Variants in NBPF11 observed in about 807,000 individuals in gnomAD.
NBPF11 encodes NBPF member 11, also known as NBPF family member NBPF11.
A neutral mutation model predicts 93.9 loss-of-function variants in NBPF11; 72 were observed. The ratio of observed to expected loss-of-function variants is 0.77; its 90% confidence interval spans 0.63 to 0.93. The LOEUF is 0.93. Among genes scored for constraint, NBPF11 ranks in the 40% least tolerant of loss-of-function variants. The pLI is 0.00. For missense variants in NBPF11, 705 were observed against 802.2 expected, an observed-to-expected ratio of 0.88 and a Z score of 1.46; for synonymous variants, 224 against 304.9, an observed-to-expected ratio of 0.73 and a Z score of 2.76.
chr1:148,124,187 CAT>C, intron 6 of NBPF11, 120 bp from the exon 7 acceptor site: 2 of 748,408 alleles, frequency 2.7e-6, no homozygotes, highest in South Asian at 3.3e-5. Context: ...AAGGTCAGCA[CAT>C]GTTGAAAGGA....
rs1667593632 is a variant in NBPF11, at chr1:148,120,590, G to T, written c.899C>A (p.Ala300Glu). ...GCTTCTGAACTGCTGTTTCTTCTCT[G>T]CCAGCTGGGGGCACAATTTCTCATT... The part of the protein sequence containing the change: ...EINEKLCPQL[A>E]EKKQQFRSLK... Residue 300 changes from alanine to glutamate, a missense_variant, in exon 10 of 24, where the codon GCA becomes GAA. This residue lies in a region of NBPF11 where 262 missense variants were observed against 223.1 expected (regional missense o/e 1.17). Transcript: ENST00000682118. 3 of 1,473,774 alleles carry T rather than the reference G, an allele frequency of 2.0e-6. No homozygotes were observed. The highest frequency in any genetic ancestry group is 2.8e-6 in the Non-Finnish European group (3 of 1,053,492). The allele number at this position is 1,473,774 out of a possible 1,614,324, so 91.3% of individuals were successfully genotyped here.
chr1:148,126,006 T>C lies in NBPF11; in HGVS notation c.175+823A>G, dbSNP rs1669024081. 3.3e-5 allele frequency among the ~76,000 whole-genome samples: 5 copies of C among 151,912 alleles called. No individual in the cohort carries two copies. The South Asian group carries it at 1.0e-3, about 31-fold the overall frequency. ...TTTATTTTTGATTTATTTATCTTTTTGTTTGTTTGTTTTTTGACGAGTCTT... is the reference window on the plus strand; with the variant it reads ...TTTATTTTTGATTTATTTATCTTTTCGTTTGTTTGTTTTTTGACGAGTCTT... On this transcript the variant is annotated intron_variant, in intron 5 of 23. Transcript: ENST00000682118.
chr1:148,112,292 A>C, intron 15 of NBPF11, among the ~76,000 whole-genome samples: 1 of 121,236 alleles, frequency 8.2e-6, no homozygotes, highest in East Asian at 2.9e-4. Flanking sequence ...TCCTAATGCT[A>C]CCCCTCCTCC....
chr1:148,122,694 C>A (rs79439957), intron 8 of NBPF11, 35 bp downstream of exon 8: 166 of 1,605,810 alleles, frequency 1.0e-4, no homozygotes, highest in Non-Finnish European at 1.3e-4. Flanking sequence ...TCATATGTTA[C>A]CACCCATTAC....
At chr1:148,122,677 G>A in intron 8 of NBPF11, 52 bp downstream of exon 8, 1 of 1,602,532 alleles carries the variant, frequency 6.2e-7, no homozygotes, top group Non-Finnish European at 8.5e-7. Flanking sequence ...GTGCCTCCTA[G>A]ACATTTTCAT....
At chr1:148,145,308 T>C (rs1571496794) in intron 1 of NBPF11, among the ~76,000 whole-genome samples, 1 of 141,022 alleles carries the variant, frequency 7.1e-6, no homozygotes, top group Non-Finnish European at 1.5e-5. Context: ...GCCTCCTGGG[T>C]TCAAGCAATT....
At chr1:148,108,016 TG>T (rs1350081341) in intron 18 of NBPF11, among the ~76,000 whole-genome samples, 2 of 150,850 alleles carry the variant, frequency 1.3e-5, no homozygotes, top group African/African-American at 4.9e-5. Context: ...TTTGTGCAAA[TG>T]GTTATGCCAT....
At chr1:148,141,988 TGGAGGGAGGGAGGGAA>T (rs1672242838) in intron 2 of NBPF11, among the ~76,000 whole-genome samples, 2 of 105,586 alleles carry the variant, frequency 1.9e-5, no homozygotes, top group East Asian at 3.3e-4. Flanking sequence ...AAGGAAAGAA[TGGAGGGAGGGAGGGAA>T]GGAGGGAGGG....
rs1182601638 is a variant in NBPF11 at position 148,122,120 on chromosome 1, G to C, written c.713C>G (p.Ser238Ter). The C allele has an allele frequency of 4.3e-6, 7 of 1,613,336 alleles. No individual in the cohort carries two copies. Among genetic ancestry groups the C allele is most frequent in the Admixed American group, 1.7e-5 (1 of 59,998 alleles). Residue 238 changes from serine to a stop codon, truncating the protein, a stop_gained, in exon 9 of 24, where the codon TCA (serine) becomes TGA (stop). Coordinates refer to ENST00000682118, the MANE Select transcript of NBPF11 (RefSeq NM_001385469.3). LOFTEE classifies it high-confidence loss of function. ...GGATTCTCTGTCTACAACCAGAGAT[G>C]AGTTGACTTTGTCTTCCTCAAATGT... is the stretch of plus-strand genomic sequence containing the variant. ...KITFEEDKVN[S>*]SLVVDRESSH...
intron 15 of NBPF11, among the ~76,000 whole-genome samples, chr1:148,111,517 A>C (rs1665259869): frequency 6.6e-6 from 1 of 151,816 alleles, no homozygotes; most frequent in South Asian, 2.1e-4. Flanking sequence ...AAAAGATTAG[A>C]CGAATGGCTA....
intron 1 of NBPF11, chr1:148,149,558 C>T (rs1298088048): frequency 3.9e-5 from 62 of 1,594,014 alleles, no homozygotes; most frequent in African/African-American, 2.7e-5. Flanking sequence ...GCCCAGCCAG[C>T]GCGCCTAGCG....
chr1:148,149,528 C>G (rs1571503413), intron 1 of NBPF11: 4 of 1,593,806 alleles, frequency 2.5e-6, no homozygotes, highest in African/African-American at 2.7e-5. Flanking sequence ...GCGCCTGCGT[C>G]GCTTCATCTC....
Position 148,102,264 on chromosome 1 carries a change from G to A in NBPF11, c.*1632C>T, listed in dbSNP as rs1283182356. 1 of 151,734 alleles carries A rather than the reference G, an allele frequency of 6.6e-6. No individual in the cohort carries two copies. The highest frequency in any genetic ancestry group is 2.4e-5 in the African/African-American group (1 of 41,042). The allele number at this position is 151,734 out of a possible 1,614,324, so 9.4% of individuals were successfully genotyped here. ...AACAGCAGACACTAGTAAAAACAAAGGCACAGTAAAAATTGAGACCCAAAA... is the reference window on the plus strand; with the variant it reads ...AACAGCAGACACTAGTAAAAACAAAAGCACAGTAAAAATTGAGACCCAAAA... On this transcript the variant is annotated 3_prime_UTR_variant, in exon 24 of 24. Coordinates refer to ENST00000682118, the MANE Select transcript of NBPF11 (RefSeq NM_001385469.3).
rs1419189872 is a variant in NBPF11, at chr1:148,108,535, C to T, written c.1973G>A (p.Ser658Asn). The change falls in exon 18 of 24, where the codon AGT (serine) becomes AAT (asparagine). Residue 658 changes from serine to asparagine, a missense_variant. This residue lies in a region of NBPF11 where 97 missense variants were observed against 65.0 expected (regional missense o/e 1.49). Coordinates refer to ENST00000682118, the MANE Select transcript of NBPF11 (RefSeq NM_001385469.3). ...CTGTTGCTCCAATACGTAAAAGGCACTTCTGTAGGGCTGGCATGAGTCAGT... is the reference window on the plus strand; with the variant it reads ...CTGTTGCTCCAATACGTAAAAGGCATTTCTGTAGGGCTGGCATGAGTCAGT... ...GLTDSCQPYR[S>N]AFYVLEQQRI... 22 of 1,602,524 alleles carry T rather than the reference C, an allele frequency of 1.4e-5. No individual in the cohort carries two copies. The highest frequency in any genetic ancestry group is 1.7e-5 in the Non-Finnish European group (20 of 1,172,244).
chr1:148,136,804 G>A (rs1671364171), intron 3 of NBPF11, among the ~76,000 whole-genome samples: 1 of 152,000 alleles, frequency 6.6e-6, no homozygotes, highest in South Asian at 2.1e-4. Context: ...GTCGACAGAG[G>A]TAAGGGAATT....
chr1:148,136,620 T>C (rs1210122761), intron 3 of NBPF11, among the ~76,000 whole-genome samples: 1 of 152,006 alleles, frequency 6.6e-6, no homozygotes, highest in African/African-American at 2.4e-5. Context: ...GGATCCTTAC[T>C]AAGAAACTCC....
chr1:148,133,311 T>G (rs1260801797), intron 4 of NBPF11, among the ~76,000 whole-genome samples: 1 of 152,000 alleles, frequency 6.6e-6, no homozygotes, highest in Non-Finnish European at 1.5e-5. Context: ...ACTTTATTAA[T>G]TTTTCTTACT....
chr1:148,124,216 G>T, intron 6 of NBPF11, 149 bp from the exon 7 acceptor site: 1 of 646,158 alleles, frequency 1.5e-6, no homozygotes, highest in Non-Finnish European at 2.8e-6. Flanking sequence ...GTGGCCAAGA[G>T]AAAGAACAGA....
At chr1:148,151,084 A>C (rs1269555282) in intron 1 of NBPF11, among the ~76,000 whole-genome samples, 6 of 151,924 alleles carry the variant, frequency 3.9e-5, no homozygotes, top group Non-Finnish European at 5.9e-5. Context: ...AAAGGACGCC[A>C]AATGAGATGA....
Sources: allele counts gnomAD v4.1 joint callset (sites outside exome capture counted in the v4.1 genomes callset), GRCh38; gene constraint gnomAD v4.1.1; regional missense constraint gnomAD v4.1.1; transcripts MANE v1.5; gene names NCBI Gene and HGNC (gene_info 2026-07-23, HGNC 2026-07-21).